Variants in PAK5 observed in about 807,000 individuals in gnomAD.
PAK5 encodes the protein p21 (RAC1) activated kinase 5.
PAK5 carries 16 observed loss-of-function variants against 65.9 expected under a neutral mutation model. The ratio of observed to expected loss-of-function variants is 0.24; its 90% CI spans 0.16 to 0.37. The LOEUF (loss-of-function observed/expected upper bound fraction) is 0.37, where lower values mean the gene tolerates loss of function less well. Among genes scored for constraint, PAK5 ranks in the 10% least tolerant of loss-of-function variants. The pLI is 1.00. For synonymous variants in PAK5, 371 were observed against 354.9 expected (o/e 1.05, Z -0.51); for missense variants, 785 against 903.9 (o/e 0.87, Z 1.69).
In PAK5 at chr20:9,800,254, A is replaced by G. The variant is rs186076749; in HGVS notation, c.-162+38508T>C. ...GATTCTAAGCTTCATTTTCATAGAG[A>G]TAACTCATTTTATCTGTTTCTTCTA... On this transcript the variant is annotated intron_variant, in intron 1 of 9. Coordinates refer to ENST00000353224, the MANE Select transcript of PAK5 (RefSeq NM_177990.4). Among the ~76,000 whole-genome samples, 68 of 152,234 alleles carry G rather than the reference A, an allele frequency of 4.5e-4. 2 individuals are homozygous for G. The highest frequency in any genetic ancestry group is 1.4e-3 in the African/African-American group (59 of 41,560).
intron 1 of PAK5, among the ~76,000 whole-genome samples, chr20:9,832,382 C>G (rs1042582337): frequency 1.3e-5 from 2 of 152,120 alleles, no homozygotes; most frequent in Admixed American, 6.5e-5. Context: ...AAGTGATTCT[C>G]TTGCCTCAGC....
chr20:9,571,558 C>T (rs536032712), intron 4 of PAK5, among the ~76,000 whole-genome samples: 18 of 152,224 alleles, frequency 1.2e-4, no homozygotes, highest in Non-Finnish European at 1.9e-4. Context: ...AGGCCGGCTC[C>T]CTTGCCTGCC....
At chr20:9,758,352 G>T (rs1288033327) in intron 1 of PAK5, among the ~76,000 whole-genome samples, 2 of 152,146 alleles carry the variant, frequency 1.3e-5, no homozygotes, top group Non-Finnish European at 1.5e-5. Context: ...ATAGAAGGGA[G>T]TGGCATCGAA....
intron 2 of PAK5, among the ~76,000 whole-genome samples, chr20:9,660,558 GA>G (rs1269523593): frequency 6.6e-6 from 1 of 151,884 alleles, no homozygotes; most frequent in African/African-American, 2.4e-5. Context: ...AGGCCCGTGA[GA>G]AAAAAATAAA....
chr20:9,814,148 G>C lies in PAK5; in HGVS notation c.-162+24614C>G, dbSNP rs187077828. ...CAACAGGATGGCCAGGCAGAGAATG[G>C]TATGAGATGAAGTGGGAAGAGTAGG... On this transcript the variant is annotated intron_variant, in intron 1 of 9. Coordinates refer to ENST00000353224, the MANE Select transcript of PAK5 (RefSeq NM_177990.4). Among the ~76,000 whole-genome samples, 16 of 152,174 alleles carry C rather than the reference G, an allele frequency of 1.1e-4. No homozygotes were observed. The East Asian group carries it at 3.1e-3, about 30-fold the overall frequency.
At chr20:9,774,090 C>T (rs1173047818) in intron 1 of PAK5, among the ~76,000 whole-genome samples, 1 of 152,170 alleles carries the variant, frequency 6.6e-6, no homozygotes, top group Non-Finnish European at 1.5e-5. Context: ...TAAATGCTTT[C>T]TTACATCGCC....
chr20:9,677,058 T>C, intron 2 of PAK5, among the ~76,000 whole-genome samples: 1 of 141,326 alleles, frequency 7.1e-6, no homozygotes, highest in African/African-American at 2.5e-5. Context: ...TGTGTGTGTG[T>C]GTGTGTGTGT....
At chr20:9,680,264 A>G (rs1226812004) in intron 2 of PAK5, among the ~76,000 whole-genome samples, 1 of 152,194 alleles carries the variant, frequency 6.6e-6, no homozygotes, top group Admixed American at 6.5e-5. Context: ...TAGTAAGTTA[A>G]AGTTATATCA....
At chr20:9,612,051 C>T (rs2046571307) in intron 3 of PAK5, among the ~76,000 whole-genome samples, 2 of 152,180 alleles carry the variant, frequency 1.3e-5, no homozygotes, top group African/African-American at 2.4e-5. Flanking sequence ...TCTGCCACCC[C>T]CATGCCCCTG....
chr20:9,606,240 C>T (rs2046451794), intron 3 of PAK5, among the ~76,000 whole-genome samples: 1 of 152,200 alleles, frequency 6.6e-6, no homozygotes, highest in South Asian at 2.1e-4. Context: ...GCCGCCCTCT[C>T]TTCCTCCTGC....
intron 2 of PAK5, among the ~76,000 whole-genome samples, chr20:9,669,913 C>T (rs1167696154): frequency 2.0e-5 from 3 of 149,400 alleles, no homozygotes; most frequent in African/African-American, 7.6e-5. Flanking sequence ...CTAATGCTAT[C>T]CCTTCTGCCT....
At chr20:9,556,023 T>C (rs897697064) in intron 7 of PAK5, among the ~76,000 whole-genome samples, 19 of 152,190 alleles carry the variant, frequency 1.2e-4, no homozygotes, top group African/African-American at 4.1e-4. Flanking sequence ...GATGAGCTGG[T>C]ACAGAGATGA....
intron 1 of PAK5, among the ~76,000 whole-genome samples, chr20:9,781,679 T>C (rs1249979416): frequency 1.3e-5 from 2 of 149,290 alleles, no homozygotes; most frequent in Non-Finnish European, 3.0e-5. Flanking sequence ...CTTCTTCCTT[T>C]TAGTTCTCGT....
At chr20:9,722,808 C>A (rs975615541) in intron 1 of PAK5, among the ~76,000 whole-genome samples, 2 of 151,406 alleles carry the variant, frequency 1.3e-5, no homozygotes, top group South Asian at 4.2e-4. Context: ...GCCATCTCGA[C>A]TCATTGCAAC....
intron 1 of PAK5, among the ~76,000 whole-genome samples, chr20:9,813,868 T>C (rs6118743): frequency 0.45 from 68,993 of 151,990 alleles, 15,976 homozygotes; most frequent in African/African-American, 0.51. Context: ...GTGTGCTCAC[T>C]TGGTGAAAAT....
chr20:9,620,908 A>ATC, intron 3 of PAK5, among the ~76,000 whole-genome samples: 1 of 151,894 alleles, frequency 6.6e-6, no homozygotes, highest in South Asian at 2.1e-4. Flanking sequence ...ATATATATAT[A>ATC]TTAATATATT....
intron 2 of PAK5, among the ~76,000 whole-genome samples, chr20:9,656,150 C>T (rs952391956): frequency 2.6e-5 from 4 of 152,160 alleles, no homozygotes; most frequent in African/African-American, 9.7e-5. Context: ...CTTTCCTTTC[C>T]TATCAACATT....
At chr20:9,649,048 C>T (rs1190256724) in intron 2 of PAK5, among the ~76,000 whole-genome samples, 8 of 152,306 alleles carry the variant, frequency 5.3e-5, no homozygotes, top group Middle Eastern at 3.4e-3. Context: ...TTCATGACAG[C>T]TGTGTAGGTA....
At chr20:9,740,636 C>T (rs533160864) in intron 1 of PAK5, among the ~76,000 whole-genome samples, 1 of 152,282 alleles carries the variant, frequency 6.6e-6, no homozygotes, top group Admixed American at 6.5e-5. Flanking sequence ...TGAGAACGTA[C>T]CTTGGCTAGC....
Sources: allele counts gnomAD v4.1 joint callset (sites outside exome capture counted in the v4.1 genomes callset), GRCh38; gene constraint gnomAD v4.1.1; transcripts MANE v1.5; gene names NCBI Gene and HGNC (gene_info 2026-07-23, HGNC 2026-07-21).